The following STXBP5L variants were observed in gnomAD, a reference collection of about 807,000 sequenced individuals.
STXBP5L encodes syntaxin binding protein 5L, also known as syntaxin-binding protein 5-like.
Under a neutral mutation model 144.5 loss-of-function variants are expected in STXBP5L, and 65 were observed. The observed-to-expected ratio is 0.45, with a 90% CI of 0.37 to 0.55. The LOEUF is 0.55. STXBP5L is among the 20% of genes least tolerant of loss of function. The pLI is 0.00. For missense variants in STXBP5L, 1,298 were observed against 1,405.5 expected, an observed-to-expected ratio of 0.92 and a Z score of 1.22; for synonymous variants, 505 against 469.6, an observed-to-expected ratio of 1.08 and a Z score of -0.97.
chr3:121,411,926 C>T (rs2047122752), intron 23 of STXBP5L, among the ~76,000 whole-genome samples: 1 of 152,180 alleles, frequency 6.6e-6, no homozygotes, highest in South Asian at 2.1e-4. Flanking sequence ...CAAAGGCTGT[C>T]ATTGTAGGAA....
intron 6 of STXBP5L, among the ~76,000 whole-genome samples, chr3:121,119,277 G>A (rs1183922977): frequency 2.0e-5 from 3 of 151,414 alleles, no homozygotes; most frequent in African/African-American, 7.3e-5. Flanking sequence ...CCTTATGTAG[G>A]TGGGTAATGT....
At chr3:121,330,525 A>G (rs181006733) in intron 20 of STXBP5L, among the ~76,000 whole-genome samples, 2 of 152,248 alleles carry the variant, frequency 1.3e-5, no homozygotes, top group Non-Finnish European at 2.9e-5. Flanking sequence ...TGGGAGTTCT[A>G]TGACCCCACT....
At chr3:121,255,505 A>G (rs569683023) in intron 16 of STXBP5L, among the ~76,000 whole-genome samples, 2 of 152,116 alleles carry the variant, frequency 1.3e-5, no homozygotes, top group East Asian at 3.9e-4. Context: ...ATATACACCT[A>G]TATATTCTTC....
chr3:121,390,866 G>GA (rs2046566927), intron 22 of STXBP5L, among the ~76,000 whole-genome samples: 1 of 151,614 alleles, frequency 6.6e-6, no homozygotes, highest in Non-Finnish European at 1.5e-5. Context: ...TGTGTCTCGG[G>GA]GTTGCTCTTC....
At chr3:121,358,232 A>G (rs1279868119) in intron 20 of STXBP5L, among the ~76,000 whole-genome samples, 1 of 151,858 alleles carries the variant, frequency 6.6e-6, no homozygotes, top group East Asian at 1.9e-4. Context: ...TTTTCTACCC[A>G]TTAACCATCC....
chr3:121,151,293 T>A (rs1181503778), intron 7 of STXBP5L, among the ~76,000 whole-genome samples: 1 of 152,180 alleles, frequency 6.6e-6, no homozygotes, highest in African/African-American at 2.4e-5. Flanking sequence ...TTACTTCAAG[T>A]TAACATGTAA....
intron 3 of STXBP5L, among the ~76,000 whole-genome samples, chr3:120,983,862 G>A (rs1171203323): frequency 6.6e-6 from 1 of 152,162 alleles, no homozygotes; most frequent in Non-Finnish European, 1.5e-5. Flanking sequence ...CATTCAAAGT[G>A]TGTATATTTA....
At chr3:121,415,531 G>A (rs2047212875) in intron 24 of STXBP5L, among the ~76,000 whole-genome samples, 1 of 152,100 alleles carries the variant, frequency 6.6e-6, no homozygotes, top group South Asian at 2.1e-4. Flanking sequence ...AAGCTATAGT[G>A]ACTGAAAAAG....
chr3:121,224,548 T>C (rs563276058), intron 11 of STXBP5L, among the ~76,000 whole-genome samples: 1 of 152,286 alleles, frequency 6.6e-6, no homozygotes, highest in African/African-American at 2.4e-5. Flanking sequence ...GTGAGATTAT[T>C]ATGACTTGTT....
chr3:120,967,149 T>C (rs961819794), intron 3 of STXBP5L, among the ~76,000 whole-genome samples: 1 of 152,122 alleles, frequency 6.6e-6, no homozygotes, highest in Non-Finnish European at 1.5e-5. Context: ...TTTAAGACCT[T>C]GGGAAAAGTG....
intron 20 of STXBP5L, among the ~76,000 whole-genome samples, chr3:121,356,333 GT>G: frequency 6.6e-6 from 1 of 152,376 alleles, no homozygotes. Flanking sequence ...TTGCTAAGCT[GT>G]GGTGGGCTCC....
At chr3:121,095,420 C>T (rs973645999) in intron 5 of STXBP5L, among the ~76,000 whole-genome samples, 1 of 152,204 alleles carries the variant, frequency 6.6e-6, no homozygotes, top group Non-Finnish European at 1.5e-5. Flanking sequence ...CTTTCAGTTA[C>T]ACCAATCAGA....
intron 11 of STXBP5L, among the ~76,000 whole-genome samples, chr3:121,232,403 A>T (rs28729922): frequency 2.6e-5 from 4 of 152,250 alleles, no homozygotes; most frequent in African/African-American, 9.6e-5. Flanking sequence ...AAATAAAAAT[A>T]AAAAAGAGGA....
chr3:121,075,463 G>T (rs1048811731), intron 5 of STXBP5L, among the ~76,000 whole-genome samples: 1 of 152,074 alleles, frequency 6.6e-6, no homozygotes, highest in Non-Finnish European at 1.5e-5. Flanking sequence ...TCCTCATCTT[G>T]ATTTACAAAC....
chr3:121,384,429 C>A (rs958168307), intron 22 of STXBP5L, among the ~76,000 whole-genome samples: 1 of 151,874 alleles, frequency 6.6e-6, no homozygotes, highest in African/African-American at 2.4e-5. Flanking sequence ...TTTCGAAGAC[C>A]AAAGTGAGAG....
At position 120,926,241 on chromosome 3, in the gene STXBP5L, A is replaced by G. The variant is rs72966708; in HGVS notation, c.189+16474A>G. Among the ~76,000 whole-genome samples the G allele has an allele frequency of 2.5e-3, 379 of 152,176 alleles. 2 individuals carry two copies. The highest frequency in any genetic ancestry group is 8.6e-3 in the African/African-American group (356 of 41,528). ...AGAACTCCCTTTAGCATTTCTTGTA[A>G]GATGGGTCTGGTGGTGTTGAATTCT... On this transcript the variant is annotated intron_variant, in intron 2 of 26. Coordinates refer to ENST00000471454, the MANE Select transcript of STXBP5L (RefSeq NM_001308330.2).
chr3:121,414,202 C>G (rs1415160851), intron 24 of STXBP5L, among the ~76,000 whole-genome samples: 1 of 151,886 alleles, frequency 6.6e-6, no homozygotes, highest in Admixed American at 6.6e-5. Context: ...TAGGAACATG[C>G]TAATAAATAA....
At chr3:121,011,269 C>A (rs1944753868) in intron 3 of STXBP5L, among the ~76,000 whole-genome samples, 1 of 151,246 alleles carries the variant, frequency 6.6e-6, no homozygotes, top group South Asian at 2.1e-4. Context: ...AAATCCCCGT[C>A]CCCTTATTCG....
chr3:121,319,970 A>G (rs2043916085), intron 20 of STXBP5L, among the ~76,000 whole-genome samples: 1 of 152,118 alleles, frequency 6.6e-6, no homozygotes, highest in African/African-American at 2.4e-5. Context: ...TGATAATAAT[A>G]ATAATTTTAA....
Sources: gnomAD v4.1 joint callset for allele counts (sites outside exome capture counted in the v4.1 genomes callset) on GRCh38, gnomAD v4.1.1 for gene constraint, MANE v1.5 for transcripts, NCBI Gene and HGNC (gene_info 2026-07-23, HGNC 2026-07-21) for gene names.